The following ZNF804B variants were observed in gnomAD, a reference collection of about 807,000 sequenced individuals.
ZNF804B encodes zinc finger protein 804B.
Under a neutral mutation model 101.4 loss-of-function variants are expected in ZNF804B, and 80 were observed. The ratio of observed to expected loss-of-function variants is 0.79; its 90% CI spans 0.66 to 0.95. The LOEUF is 0.95. ZNF804B is among the 40% of genes least tolerant of loss of function. The pLI, the probability that ZNF804B is intolerant of heterozygous loss-of-function variation, is 0.00. For synonymous variants in ZNF804B, 622 were observed against 558.8 expected, an observed-to-expected ratio of 1.11 and a Z score of -1.59; for missense variants, 1,673 against 1,561.9, an observed-to-expected ratio of 1.07 and a Z score of -1.20.
intron 1 of ZNF804B, among the ~76,000 whole-genome samples, chr7:89,170,494 TG>T (rs1305250115): frequency 6.6e-6 from 1 of 152,198 alleles, no homozygotes; most frequent in East Asian, 1.9e-4. Flanking sequence ...AGTTTATATC[TG>T]GAGTGAGCTG....
At chr7:89,277,447 T>C (rs1160567595) in intron 2 of ZNF804B, among the ~76,000 whole-genome samples, 5 of 131,604 alleles carry the variant, frequency 3.8e-5, no homozygotes, top group Non-Finnish European at 7.9e-5. Context: ...CATCTAGCAT[T>C]AGGTATATCT....
At chr7:88,798,374 G>T (rs1790524088) in intron 1 of ZNF804B, among the ~76,000 whole-genome samples, 1 of 152,032 alleles carries the variant, frequency 6.6e-6, no homozygotes, top group Non-Finnish European at 1.5e-5. Flanking sequence ...TCAAAAGAGT[G>T]ATAATATCTT....
intron 1 of ZNF804B, among the ~76,000 whole-genome samples, chr7:89,137,784 G>A (rs1245784867): frequency 6.6e-6 from 1 of 152,100 alleles, no homozygotes; most frequent in Admixed American, 6.6e-5. Context: ...TAATCACCAA[G>A]GCAATGGGGA....
intron 1 of ZNF804B, among the ~76,000 whole-genome samples, chr7:89,212,868 G>A (rs1244430302): frequency 1.3e-5 from 2 of 152,250 alleles, no homozygotes; most frequent in South Asian, 2.1e-4. Context: ...GCATACTGGA[G>A]TGGCATAGTT....
intron 1 of ZNF804B, among the ~76,000 whole-genome samples, chr7:89,081,831 T>C (rs893972211): frequency 6.6e-6 from 1 of 151,786 alleles, no homozygotes. Flanking sequence ...AATGACCTTA[T>C]TTTCAACTTT....
intron 2 of ZNF804B, among the ~76,000 whole-genome samples, chr7:89,312,996 G>T (rs558964732): frequency 2.6e-5 from 4 of 152,146 alleles, no homozygotes; most frequent in Non-Finnish European, 4.4e-5. Flanking sequence ...TTAGTGATCT[G>T]TAAATGTCTT....
At chr7:89,015,831 T>G (rs1788543972) in intron 1 of ZNF804B, among the ~76,000 whole-genome samples, 1 of 152,210 alleles carries the variant, frequency 6.6e-6, no homozygotes, top group Admixed American at 6.5e-5. Flanking sequence ...GCATGATTTA[T>G]AGTCCTTTGG....
intron 1 of ZNF804B, among the ~76,000 whole-genome samples, chr7:89,105,737 A>G (rs1790127311): frequency 6.6e-6 from 1 of 152,152 alleles, no homozygotes; most frequent in African/African-American, 2.4e-5. Flanking sequence ...TTACCTGGAA[A>G]TAGTTTCTGA....
intron 1 of ZNF804B, among the ~76,000 whole-genome samples, chr7:88,773,127 T>C (rs1037877785): frequency 1.3e-5 from 2 of 152,234 alleles, no homozygotes; most frequent in African/African-American, 4.8e-5. Context: ...GTGTTGATTA[T>C]ATATTAGTTT....
intron 1 of ZNF804B, among the ~76,000 whole-genome samples, chr7:88,816,132 C>T (rs1790872914): frequency 1.3e-5 from 2 of 152,124 alleles, no homozygotes; most frequent in African/African-American, 2.4e-5. Context: ...GTCCTCATCA[C>T]CCTGCTCAGA....
intron 1 of ZNF804B, among the ~76,000 whole-genome samples, chr7:88,767,391 C>T (rs779850244): frequency 2.9e-4 from 44 of 152,196 alleles, no homozygotes; most frequent in Non-Finnish European, 5.7e-4. Flanking sequence ...CAAATACAGT[C>T]AGCTTCCCCT....
intron 1 of ZNF804B, among the ~76,000 whole-genome samples, chr7:88,776,463 TA>T (rs1342771162): frequency 6.6e-6 from 1 of 151,270 alleles, no homozygotes; most frequent in Non-Finnish European, 1.5e-5. Context: ...ACTCTCATAA[TA>T]AAAAAATGTT....
At chr7:88,776,761 C>T (rs1034175040) in intron 1 of ZNF804B, among the ~76,000 whole-genome samples, 6 of 148,706 alleles carry the variant, frequency 4.0e-5, no homozygotes, top group Non-Finnish European at 8.9e-5. Flanking sequence ...TCTGATGAAC[C>T]CCAATTAGTA....
At chr7:88,889,343 T>G (rs1792181121) in intron 1 of ZNF804B, among the ~76,000 whole-genome samples, 1 of 152,074 alleles carries the variant, frequency 6.6e-6, no homozygotes. Flanking sequence ...GGAACTCTAT[T>G]TTGAGTTACT....
chr7:89,263,546 C>G (rs1388387239), intron 2 of ZNF804B, among the ~76,000 whole-genome samples: 4 of 151,094 alleles, frequency 2.6e-5, no homozygotes, highest in Non-Finnish European at 4.4e-5. Flanking sequence ...CAATAGTGAC[C>G]TTCAAAAAGA....
intron 1 of ZNF804B, among the ~76,000 whole-genome samples, chr7:88,850,082 T>G (rs1317833723): frequency 1.3e-5 from 2 of 152,192 alleles, no homozygotes; most frequent in Non-Finnish European, 2.9e-5. Flanking sequence ...ACTAGATTTA[T>G]CTTCCTATTT....
At chr7:88,876,872 G>T (rs1206285110) in intron 1 of ZNF804B, among the ~76,000 whole-genome samples, 1 of 149,356 alleles carries the variant, frequency 6.7e-6, no homozygotes, top group Non-Finnish European at 1.5e-5. Flanking sequence ...CACTTAAAAA[G>T]TATGTTGATT....
chr7:89,058,988 C>T (rs1562873111), intron 1 of ZNF804B, among the ~76,000 whole-genome samples: 2 of 152,134 alleles, frequency 1.3e-5, no homozygotes, highest in African/African-American at 4.8e-5. Flanking sequence ...AGCCATCATG[C>T]CCAGCTGGAA....
At chr7:88,771,331 G>A (rs1790057931) in intron 1 of ZNF804B, among the ~76,000 whole-genome samples, 1 of 151,848 alleles carries the variant, frequency 6.6e-6, no homozygotes, top group Non-Finnish European at 1.5e-5. Flanking sequence ...CATATAAATG[G>A]AAACTTATTT....
Sources: allele counts gnomAD v4.1 joint callset (sites outside exome capture counted in the v4.1 genomes callset), GRCh38; gene constraint gnomAD v4.1.1; transcripts MANE v1.5; gene names NCBI Gene and HGNC (gene_info 2026-07-23, HGNC 2026-07-21).